PDE2A: variants seen among roughly 807,000 people sequenced by gnomAD.
PDE2A encodes cGMP-dependent 3',5'-cyclic phosphodiesterase.
Under a neutral mutation model 133.6 loss-of-function variants are expected in PDE2A, and 53 were observed. That is an observed-to-expected ratio of 0.40 (90% CI 0.32 to 0.50). The LOEUF is 0.50. Among genes scored for constraint, PDE2A ranks in the 20% least tolerant of loss-of-function variants. The pLI, the probability that PDE2A is intolerant of heterozygous loss-of-function variation, is 0.73. For synonymous variants in PDE2A, 491 were observed against 490.2 expected, an observed-to-expected ratio of 1.00 and a Z score of -0.02; for missense variants, 796 against 1,232.4, an observed-to-expected ratio of 0.65 and a Z score of 5.30.
intron 1 of PDE2A, among the ~76,000 whole-genome samples, chr11:72,650,040 A>G (rs1281885542): frequency 8.1e-6 from 1 of 122,998 alleles, no homozygotes; most frequent in South Asian, 2.6e-4. Context: ...TTTTTTTTTT[A>G]GATGGAGTCT....
intron 1 of PDE2A, among the ~76,000 whole-genome samples, chr11:72,660,276 C>T (rs761535201): frequency 1.3e-5 from 2 of 151,832 alleles, no homozygotes; most frequent in Non-Finnish European, 2.9e-5. Context: ...GTAGTCATAC[C>T]CCCACCTTCT....
At chr11:72,651,134 T>A (rs1854730355) in intron 1 of PDE2A, among the ~76,000 whole-genome samples, 1 of 152,152 alleles carries the variant, frequency 6.6e-6, no homozygotes, top group Admixed American at 6.5e-5. Flanking sequence ...TAACACCCCA[T>A]CATTCAAAAA....
rs1855564723 is a variant in PDE2A at position 72,578,467 on chromosome 11, C to T, written c.2508+9G>A. ...CATCCTGGACATCCTGGGGTCACTC[C>T]ACACATACCAGGTCTCCCTGGGAGA... is the stretch of plus-strand genomic sequence containing the variant. On this transcript the variant is annotated intron_variant, in intron 29 of 30. Transcript: ENST00000334456. The surrounding 1 kb of genome is among the most constrained non-coding windows in gnomAD (Gnocchi z 4.2). 2 of 1,612,706 alleles carry T rather than the reference C, an allele frequency of 1.2e-6. No individual in the cohort carries two copies. The highest frequency in any genetic ancestry group is 2.7e-5 in the African/African-American group (2 of 75,030).
At chr11:72,579,131 G>A (rs1855597603) in intron 27 of PDE2A, 122 bp from the exon 28 acceptor site, 2 of 942,836 alleles carry the variant, frequency 2.1e-6, no homozygotes, top group Admixed American at 1.8e-5. Flanking sequence ...GGGAGCCAAG[G>A]GGCCAGTGCT....
rs1855879893 is a variant in PDE2A, at chr11:72,584,624, G to A, written c.1464C>T (p.Tyr488=). ...IPDAYAHPLF[Y]RGVDDSTGFR... ...AGCCGGTGCTGTCGTCCACGCCGCG[G>A]TAGAAAAGCGGATGGGCATATGCGT... Residue 488 remains tyrosine, a synonymous_variant, in exon 18 of 31, where the codon TAC becomes TAT. Transcript: ENST00000334456. 6.2e-7 allele frequency: 1 copy of A among 1,613,104 alleles called. No individual in the cohort carries two copies. Among genetic ancestry groups the A allele is most frequent in the South Asian group, 1.1e-5 (1 of 91,082 alleles).
At position 72,578,547 on chromosome 11, in the gene PDE2A, T is replaced by A; in HGVS notation, c.2470-33A>T. 2 of 1,580,456 alleles carry A rather than the reference T, an allele frequency of 1.3e-6. No individual in the cohort carries two copies. Among genetic ancestry groups the A allele is most frequent in the Non-Finnish European group, 1.7e-6 (2 of 1,149,512 alleles). On this transcript the variant is annotated intron_variant, in intron 28 of 30. Transcript: ENST00000334456. The surrounding 1 kb of genome is among the most constrained non-coding windows in gnomAD (Gnocchi z 4.2). Reference sequence around the variant, plus strand: ...GCCAACACTCTCATCACATCCTCTATGTAGGATACATCCACCCAAGCTCCT... The same window carrying A: ...GCCAACACTCTCATCACATCCTCTAAGTAGGATACATCCACCCAAGCTCCT...
intron 2 of PDE2A, among the ~76,000 whole-genome samples, chr11:72,611,769 C>T (rs558793279): frequency 1.3e-5 from 2 of 152,330 alleles, no homozygotes; most frequent in African/African-American, 4.8e-5. Context: ...GCAGGAACTG[C>T]AGCTGGGAAG....
At chr11:72,658,116 G>A in intron 1 of PDE2A, 1 of 456,246 alleles carries the variant, frequency 2.2e-6, no homozygotes, top group Non-Finnish European at 4.4e-6. Flanking sequence ...GATGCCGGAT[G>A]TCTTCTCAGC....
At chr11:72,624,365 C>T (rs1300999055) in intron 2 of PDE2A, among the ~76,000 whole-genome samples, 1 of 152,212 alleles carries the variant, frequency 6.6e-6, no homozygotes, top group Non-Finnish European at 1.5e-5. Context: ...CAGTGTCCTA[C>T]ACAGCACTGT....
chr11:72,614,950 C>A, intron 2 of PDE2A: 3 of 338,166 alleles, frequency 8.9e-6, no homozygotes, highest in Admixed American at 2.7e-5. Context: ...TGCCAGAGAC[C>A]TTTCCTCCTC....
chr11:72,635,167 T>C (rs974068231), intron 2 of PDE2A, among the ~76,000 whole-genome samples: 6 of 151,914 alleles, frequency 3.9e-5, no homozygotes, highest in African/African-American at 1.5e-4. Context: ...GCTTTGGGAG[T>C]GGAAGCTCTC....
intron 4 of PDE2A, among the ~76,000 whole-genome samples, chr11:72,602,303 C>T (rs1052202841): frequency 3.3e-5 from 5 of 152,296 alleles, no homozygotes; most frequent in Middle Eastern, 3.4e-3. Flanking sequence ...TCCTCACTCC[C>T]GCCTTGACCC....
intron 1 of PDE2A, among the ~76,000 whole-genome samples, chr11:72,645,694 C>T (rs1035980178): frequency 2.6e-5 from 4 of 152,256 alleles, no homozygotes; most frequent in African/African-American, 9.6e-5. Flanking sequence ...AGATGCATCT[C>T]CTCCCTGGCT....
intron 2 of PDE2A, among the ~76,000 whole-genome samples, chr11:72,628,476 G>A (rs570681922): frequency 1.1e-4 from 16 of 152,034 alleles, no homozygotes; most frequent in East Asian, 3.9e-4. Flanking sequence ...GACTACAGGC[G>A]CCCACCACCA....
At chr11:72,629,254 CA>C (rs1858250630) in intron 2 of PDE2A, among the ~76,000 whole-genome samples, 1 of 136,900 alleles carries the variant, frequency 7.3e-6, no homozygotes, top group African/African-American at 3.7e-5. Context: ...CTTGAACCTG[CA>C]GAGGGCAGGC....
chr11:72,600,643 T>G (rs566284841), intron 4 of PDE2A, among the ~76,000 whole-genome samples: 3 of 152,262 alleles, frequency 2.0e-5, no homozygotes, highest in African/African-American at 7.2e-5. Context: ...AGACCCCCGA[T>G]AGCTCCTTGC....
At chr11:72,651,025 T>C (rs1054501373) in intron 1 of PDE2A, among the ~76,000 whole-genome samples, 1 of 152,118 alleles carries the variant, frequency 6.6e-6, no homozygotes, top group African/African-American at 2.4e-5. Flanking sequence ...CACTCCCTGC[T>C]AACTCAGAAA....
intron 1 of PDE2A, among the ~76,000 whole-genome samples, chr11:72,652,248 T>G (rs1204043736): frequency 6.6e-6 from 1 of 152,036 alleles, no homozygotes; most frequent in Non-Finnish European, 1.5e-5. Context: ...GGAGACAGAG[T>G]CCCTTCTCCA....
In PDE2A at chr11:72,580,681, G is replaced by T. The variant is rs373509696; in HGVS notation, c.2134-57C>A. Reference sequence around the variant, plus strand: ...CTCACATCCGGATCCAAGTGCCACTGCTTTAGGCTGAGCAGTGTCCTGCCC... The same window carrying T: ...CTCACATCCGGATCCAAGTGCCACTTCTTTAGGCTGAGCAGTGTCCTGCCC... On this transcript the variant is annotated intron_variant, in intron 24 of 30. Coordinates refer to ENST00000334456, the MANE Select transcript of PDE2A (RefSeq NM_002599.5). 3.2e-5 allele frequency: 44 copies of T among 1,361,194 alleles called. No individual in the cohort carries two copies. The African/African-American group carries it at 5.3e-4, about 16-fold the overall frequency. 84.3% of individuals were successfully genotyped at this position (1,361,194 alleles called of 1,614,324 possible).
Sources: gnomAD v4.1 joint callset for allele counts (sites outside exome capture counted in the v4.1 genomes callset) on GRCh38, gnomAD v4.1.1 for gene constraint, Gnocchi (gnomAD v3.1) non-coding constraint, MANE v1.5 for transcripts, NCBI Gene and HGNC (gene_info 2026-07-23, HGNC 2026-07-21) for gene names.